The following RSPO2 variants were observed in gnomAD, a reference collection of about 807,000 sequenced individuals.
RSPO2 encodes R-spondin 2.
Under a neutral mutation model 30.9 loss-of-function variants are expected in RSPO2, and 14 were observed. The observed-to-expected ratio is 0.45, with a 90% CI of 0.30 to 0.71. RSPO2 has a LOEUF of 0.71. Ranked by LOEUF, RSPO2 falls within the 30% of genes least tolerant of loss-of-function variation. The pLI is 0.08. For synonymous variants in RSPO2, 107 were observed against 96.4 expected, an observed-to-expected ratio of 1.11 and a Z score of -0.64; for missense variants, 264 against 301.9, an observed-to-expected ratio of 0.87 and a Z score of 0.93.
chr8:107,924,716 G>A (rs974647145), intron 5 of RSPO2, among the ~76,000 whole-genome samples: 2 of 151,860 alleles, frequency 1.3e-5, no homozygotes, highest in African/African-American at 2.4e-5. Flanking sequence ...AACCTCATAC[G>A]CCAGAGCAGT....
At chr8:108,007,762 G>C (rs1378556845) in intron 2 of RSPO2, among the ~76,000 whole-genome samples, 1 of 152,054 alleles carries the variant, frequency 6.6e-6, no homozygotes, top group Non-Finnish European at 1.5e-5. Flanking sequence ...AATAAAGACT[G>C]TGAAGAGCCT....
At chr8:108,008,212 T>C (rs1815523850) in intron 2 of RSPO2, among the ~76,000 whole-genome samples, 1 of 152,206 alleles carries the variant, frequency 6.6e-6, no homozygotes, top group Non-Finnish European at 1.5e-5. Context: ...GCACCAATTT[T>C]TTCCCTCTAG....
At chr8:107,966,817 T>G (rs1813822616) in intron 3 of RSPO2, among the ~76,000 whole-genome samples, 1 of 152,186 alleles carries the variant, frequency 6.6e-6, no homozygotes, top group South Asian at 2.1e-4. Flanking sequence ...CAACCTTTGT[T>G]AAATCTAGCT....
At chr8:108,009,861 A>T (rs993206408) in intron 2 of RSPO2, among the ~76,000 whole-genome samples, 6 of 151,976 alleles carry the variant, frequency 3.9e-5, no homozygotes, top group Non-Finnish European at 8.8e-5. Flanking sequence ...ACAAGCCTGG[A>T]TGACATGGCA....
chr8:107,911,997 C>T (rs1427093735), intron 5 of RSPO2, among the ~76,000 whole-genome samples: 2 of 152,106 alleles, frequency 1.3e-5, no homozygotes, highest in African/African-American at 4.8e-5. Flanking sequence ...AACCCATATT[C>T]CTCAAATCAG....
At chr8:107,906,495 C>A (rs553401948) in intron 5 of RSPO2, among the ~76,000 whole-genome samples, 1 of 151,680 alleles carries the variant, frequency 6.6e-6, no homozygotes, top group South Asian at 2.1e-4. Flanking sequence ...TAAGAAAAAG[C>A]CTGTAATACA....
At chr8:107,998,669 C>T (rs1416393857) in intron 2 of RSPO2, among the ~76,000 whole-genome samples, 1 of 151,916 alleles carries the variant, frequency 6.6e-6, no homozygotes, top group Non-Finnish European at 1.5e-5. Flanking sequence ...GCTATATTAA[C>T]ATAAATTTAA....
intron 2 of RSPO2, among the ~76,000 whole-genome samples, chr8:108,037,933 T>A (rs1283081334): frequency 6.6e-6 from 1 of 152,198 alleles, no homozygotes; most frequent in Non-Finnish European, 1.5e-5. Flanking sequence ...TACAAGGAGA[T>A]TAATGTTTTC....
chr8:107,904,758 A>T (rs539430527), intron 5 of RSPO2, among the ~76,000 whole-genome samples: 1 of 152,190 alleles, frequency 6.6e-6, no homozygotes, highest in African/African-American at 2.4e-5. Context: ...CATTCACTAG[A>T]AAGTTATGAG....
At chr8:107,914,342 T>A (rs1418284804) in intron 5 of RSPO2, among the ~76,000 whole-genome samples, 1 of 152,046 alleles carries the variant, frequency 6.6e-6, no homozygotes, top group Non-Finnish European at 1.5e-5. Context: ...TTTTGATGAT[T>A]TAAGGCAGCA....
intron 2 of RSPO2, among the ~76,000 whole-genome samples, chr8:108,077,160 C>T (rs1226394557): frequency 6.6e-6 from 1 of 152,076 alleles, no homozygotes; most frequent in Non-Finnish European, 1.5e-5. Context: ...TAATATTTTT[C>T]TTGTTTGTTA....
At chr8:107,949,908 T>C (rs1813187247) in intron 5 of RSPO2, among the ~76,000 whole-genome samples, 1 of 152,194 alleles carries the variant, frequency 6.6e-6, no homozygotes, top group African/African-American at 2.4e-5. Flanking sequence ...CATGCCACTA[T>C]TGAGTCAAGT....
At chr8:107,958,058 T>A in intron 5 of RSPO2, 22 bp downstream of exon 5, 1 of 1,573,852 alleles carries the variant, frequency 6.4e-7, no homozygotes, top group Non-Finnish European at 8.7e-7. Context: ...CAGCACACAG[T>A]AGTGATTATA....
At chr8:107,966,912 G>A (rs1017358457) in intron 3 of RSPO2, among the ~76,000 whole-genome samples, 1 of 152,134 alleles carries the variant, frequency 6.6e-6, no homozygotes, top group East Asian at 1.9e-4. Context: ...AAACACCCCT[G>A]GGAATCTATG....
At chr8:108,040,041 T>G (rs1811705717) in intron 2 of RSPO2, among the ~76,000 whole-genome samples, 1 of 152,160 alleles carries the variant, frequency 6.6e-6, no homozygotes, top group Non-Finnish European at 1.5e-5. Flanking sequence ...GAAATAAGTT[T>G]CTGCTGCTTA....
chr8:108,078,403 AAAGT>A (rs1233328331), intron 2 of RSPO2, among the ~76,000 whole-genome samples: 1 of 152,262 alleles, frequency 6.6e-6, no homozygotes, highest in Non-Finnish European at 1.5e-5. Flanking sequence ...TTTGGAACTT[AAAGT>A]AAGCAAGTGT....
chr8:107,906,702 C>A (rs1811659781), intron 5 of RSPO2, among the ~76,000 whole-genome samples: 1 of 151,916 alleles, frequency 6.6e-6, no homozygotes, highest in Non-Finnish European at 1.5e-5. Context: ...ATGAGCAGGA[C>A]TGGGATCTAC....
At chr8:107,931,255 A>G (rs1262429554) in intron 5 of RSPO2, among the ~76,000 whole-genome samples, 1 of 152,176 alleles carries the variant, frequency 6.6e-6, no homozygotes, top group Non-Finnish European at 1.5e-5. Flanking sequence ...AGTAAAAATA[A>G]GTATTAATAT....
At chr8:107,906,230 C>T (rs983083966) in intron 5 of RSPO2, among the ~76,000 whole-genome samples, 2 of 151,904 alleles carry the variant, frequency 1.3e-5, no homozygotes, top group Admixed American at 1.3e-4. Flanking sequence ...GCACAGGGAT[C>T]TTTAATACTG....
Sources: allele counts gnomAD v4.1 joint callset (sites outside exome capture counted in the v4.1 genomes callset), GRCh38; gene constraint gnomAD v4.1.1; transcripts MANE v1.5; gene names NCBI Gene and HGNC (gene_info 2026-07-23, HGNC 2026-07-21).